The following RTF1 variants were observed in gnomAD, a reference collection of about 807,000 sequenced individuals.
RTF1 encodes the protein RTF1 homolog, Paf1/RNA polymerase II complex component, also known as RNA polymerase-associated protein RTF1 homolog.
A neutral mutation model predicts 95.7 loss-of-function variants in RTF1; 10 were observed. That is an observed-to-expected ratio of 0.10 (90% CI 0.06 to 0.18). RTF1 has a LOEUF of 0.18. Ranked by LOEUF, RTF1 falls within the 10% of genes least tolerant of loss-of-function variation. The pLI is 1.00. For missense variants in RTF1, 458 were observed against 875.6 expected (o/e 0.52, Z 6.02); for synonymous variants, 305 against 311.8 (o/e 0.98, Z 0.23).
chr15:41,418,537 G>A (rs2050583212), intron 1 of RTF1, among the ~76,000 whole-genome samples: 1 of 152,108 alleles, frequency 6.6e-6, no homozygotes, highest in Admixed American at 6.6e-5. Flanking sequence ...AGTATTAGGG[G>A]CTGGGCGCGG....
intron 1 of RTF1, among the ~76,000 whole-genome samples, chr15:41,437,695 T>A (rs1202590458): frequency 6.6e-6 from 1 of 152,106 alleles, no homozygotes; most frequent in Non-Finnish European, 1.5e-5. Context: ...TACTTACTGG[T>A]ACTTCCTTCT....
chr15:41,451,346 A>G (rs953114554), intron 2 of RTF1, among the ~76,000 whole-genome samples: 6 of 152,238 alleles, frequency 3.9e-5, no homozygotes, highest in Non-Finnish European at 5.9e-5. Context: ...TAAGTTGGCA[A>G]GTTAAAATAT....
Position 41,417,124 on chromosome 15 carries a change from T to G in RTF1, c.9T>G (p.Gly3=). 2.4e-6 allele frequency: 3 copies of G among 1,243,174 alleles called. No individual in the cohort carries two copies. Among genetic ancestry groups the G allele is most frequent in the Non-Finnish European group, 3.0e-6 (3 of 989,152 alleles). 77.0% of individuals were successfully genotyped at this position (1,243,174 alleles called of 1,614,324 possible). The change falls in exon 1 of 18, where the codon GGT becomes GGG. Residue 3 remains glycine, a synonymous_variant. Coordinates refer to ENST00000389629, the MANE Select transcript of RTF1 (RefSeq NM_015138.5). ...GGCGGAGCGGAGCGCGCATGCGCGG[T>G]CGCCTTTGTGTGGGTCGAGCAGCGG... is the stretch of plus-strand genomic sequence containing the variant. MR[G]RLCVGRAAAA...
At chr15:41,472,732 C>T (rs566875362) in intron 8 of RTF1, among the ~76,000 whole-genome samples, 6 of 144,150 alleles carry the variant, frequency 4.2e-5, no homozygotes, top group South Asian at 2.3e-4. Context: ...GACGGAGTCT[C>T]GCTATGTGGC....
At chr15:41,470,674 T>G (rs1262063607) in intron 7 of RTF1, among the ~76,000 whole-genome samples, 1 of 144,204 alleles carries the variant, frequency 6.9e-6, no homozygotes, top group Non-Finnish European at 1.5e-5. Flanking sequence ...TTTTTTTTTT[T>G]TTGAGACGGA....
At chr15:41,428,170 G>C (rs1222864635) in intron 1 of RTF1, among the ~76,000 whole-genome samples, 1 of 150,110 alleles carries the variant, frequency 6.7e-6, no homozygotes, top group African/African-American at 2.5e-5. Context: ...TTTCTAACTT[G>C]GTTACATTGA....
At chr15:41,421,285 C>T (rs1427368400) in intron 1 of RTF1, among the ~76,000 whole-genome samples, 1 of 151,956 alleles carries the variant, frequency 6.6e-6, no homozygotes, top group Non-Finnish European at 1.5e-5. Context: ...GGAGAAACCT[C>T]GTCTCTACTA....
chr15:41,463,922 G>T (rs1201613704), intron 4 of RTF1, among the ~76,000 whole-genome samples: 1 of 152,040 alleles, frequency 6.6e-6, no homozygotes, highest in Admixed American at 6.6e-5. Flanking sequence ...CGTGATCTTG[G>T]CTCACTGCAA....
At chr15:41,430,006 C>CTTTTTTTTT (rs1410593149) in intron 1 of RTF1, among the ~76,000 whole-genome samples, 53 of 143,000 alleles carry the variant, frequency 3.7e-4, no homozygotes, top group East Asian at 8.5e-4. Context: ...TTTATTTTTT[C>CTTTTTTTTT]TTTTCTTTTT....
rs1447271190 is a variant in RTF1, at chr15:41,417,230, A to C, written c.115A>C (p.Thr39Pro). 27 of 1,256,626 alleles carry C rather than the reference A, an allele frequency of 2.1e-5. No homozygotes were observed. Among genetic ancestry groups the C allele is most frequent in the Non-Finnish European group, 1.8e-5 (18 of 994,358 alleles). 77.8% of individuals were successfully genotyped at this position (1,256,626 alleles called of 1,614,324 possible). ...PGGGRRGSRG[T>P]TMVKKRKGRV... is the part of the protein sequence containing the mutation. ...CGGCGGCCGGCGTGGGAGCCGGGGG[A>C]CCACCATGGTAAAGAAGCGGAAAGG... Residue 39 changes from threonine to proline, a missense_variant, in exon 1 of 18, where the codon ACC becomes CCC. Thr to Pro is a conservative substitution (Grantham distance 38). This residue lies in a region of RTF1 where 81 missense variants were observed against 59.9 expected (regional missense o/e 1.35). Transcript: ENST00000389629.
chr15:41,438,519 TG>T (rs2050716556), intron 2 of RTF1, 88 bp downstream of exon 2: 1 of 792,694 alleles, frequency 1.3e-6, no homozygotes, highest in Non-Finnish European at 2.0e-6. Context: ...TTTCCTTAAA[TG>T]GAGACTTACA....
rs138149102 is a variant in RTF1, at chr15:41,447,361, C to T, written c.310-5540C>T. 2.2e-4 allele frequency among the ~76,000 whole-genome samples: 34 copies of T among 152,236 alleles called. No homozygotes were observed. The East Asian group carries it at 5.4e-3, about 24-fold the overall frequency. ...ACCAGTCCCCGCCTTGTGTTTCTTC[C>T]CATCTTTCAGTTGCGTGCCCAGAAG... On this transcript the variant is annotated intron_variant, in intron 2 of 17. Coordinates refer to ENST00000389629, the MANE Select transcript of RTF1 (RefSeq NM_015138.5).
chr15:41,477,506 G>A lies in RTF1; in HGVS notation c.1731G>A (p.Lys577=). 1 of 1,614,108 alleles carries A rather than the reference G, an allele frequency of 6.2e-7. No individual in the cohort carries two copies. ...NREWNIVESE[K]ALVAESHNMK... is the part of the protein sequence containing the mutation. ...AGTGGAACATTGTAGAGTCTGAGAA[G>A]GCCCTTGTGGTAAGAAAACTTTATC... The change falls in exon 14 of 18, where the codon AAG becomes AAA. Residue 577 remains lysine, a synonymous_variant. Coordinates refer to ENST00000389629, the MANE Select transcript of RTF1 (RefSeq NM_015138.5).
chr15:41,451,179 A>G (rs1375004680), intron 2 of RTF1, among the ~76,000 whole-genome samples: 2 of 152,202 alleles, frequency 1.3e-5, no homozygotes, highest in Non-Finnish European at 2.9e-5. Context: ...CTATTATAGA[A>G]GGAACAAAGA....
At chr15:41,456,682 C>T (rs1360349084) in intron 3 of RTF1, among the ~76,000 whole-genome samples, 5 of 151,218 alleles carry the variant, frequency 3.3e-5, no homozygotes, top group African/African-American at 9.7e-5. Flanking sequence ...CTGAGCTACT[C>T]GGGAGTCTGA....
chr15:41,472,155 C>T (rs2050915565), intron 8 of RTF1, among the ~76,000 whole-genome samples: 1 of 150,024 alleles, frequency 6.7e-6, no homozygotes, highest in Non-Finnish European at 1.5e-5. Context: ...CCTCAGCCTC[C>T]CAAAGTGCTG....
chr15:41,452,743 A>T (rs573232918), intron 2 of RTF1, among the ~76,000 whole-genome samples, 158 bp from the exon 3 acceptor site: 134 of 150,394 alleles, frequency 8.9e-4, no homozygotes, highest in Middle Eastern at 6.8e-3. Flanking sequence ...CAAAAAAAAA[A>T]TTTTTTTTTT....
At position 41,474,204 on chromosome 15, in the gene RTF1, T is replaced by C. The variant is rs554420363; in HGVS notation, c.1204-416T>C. Among the ~76,000 whole-genome samples, 27 of 152,296 alleles carry C rather than the reference T, an allele frequency of 1.8e-4. 1 individual carries two copies. The South Asian group carries it at 5.6e-3, about 32-fold the overall frequency. On this transcript the variant is annotated intron_variant, in intron 8 of 17. Coordinates refer to ENST00000389629, the MANE Select transcript of RTF1 (RefSeq NM_015138.5). ...GATTGTTTTTGTTTTGTTTTATTCT[T>C]GTCTGGTTTTTATGTGTGTTATCCC...
intron 1 of RTF1, among the ~76,000 whole-genome samples, chr15:41,425,494 G>C (rs914022969): frequency 6.6e-6 from 1 of 152,150 alleles, no homozygotes; most frequent in Non-Finnish European, 1.5e-5. Flanking sequence ...AAGATTTTCA[G>C]ATTTGCCTTA....
Sources: allele counts gnomAD v4.1 joint callset (sites outside exome capture counted in the v4.1 genomes callset), GRCh38; gene constraint gnomAD v4.1.1; regional missense constraint gnomAD v4.1.1; transcripts MANE v1.5; gene names NCBI Gene and HGNC (gene_info 2026-07-23, HGNC 2026-07-21).